Variants in KCTD19 observed in about 807,000 individuals in gnomAD.
KCTD19 encodes potassium channel tetramerization domain containing 19.
In KCTD19, 67 loss-of-function variants were observed where a neutral mutation model predicts 103.5. The ratio of observed to expected loss-of-function variants is 0.65; its 90% confidence interval spans 0.53 to 0.79. The LOEUF is 0.79. Ranked by LOEUF, KCTD19 falls within the 30% of genes least tolerant of loss-of-function variation. KCTD19 has a pLI of 0.00. For synonymous variants in KCTD19, 439 were observed against 452.2 expected, an observed-to-expected ratio of 0.97 and a Z score of 0.37; for missense variants, 980 against 1,136.1, an observed-to-expected ratio of 0.86 and a Z score of 1.98.
intron 2 of KCTD19, among the ~76,000 whole-genome samples, chr16:67,305,912 T>C (rs1459114380): frequency 1.3e-5 from 2 of 152,114 alleles, no homozygotes; most frequent in African/African-American, 4.8e-5. Context: ...GCATAATCAC[T>C]TAAGGTCAAT....
At chr16:67,302,835 G>A (rs2036849032) in intron 4 of KCTD19, 7 of 364,114 alleles carry the variant, frequency 1.9e-5, no homozygotes, top group Non-Finnish European at 3.0e-5. Context: ...AAGAGAAGCC[G>A]ACTGGCAACC....
At chr16:67,295,767 C>T in intron 8 of KCTD19, 1 of 316,398 alleles carries the variant, frequency 3.2e-6, no homozygotes, top group Middle Eastern at 1.0e-3. Context: ...TTTTTTGAGG[C>T]AGAGTCACAC....
At chr16:67,305,978 G>T (rs1039959762) in intron 2 of KCTD19, among the ~76,000 whole-genome samples, 1 of 152,178 alleles carries the variant, frequency 6.6e-6, no homozygotes, top group African/African-American at 2.4e-5. Context: ...TGGCTGGAGG[G>T]TTTGCAAAAG....
At chr16:67,292,907 G>C (rs898636437) in intron 12 of KCTD19, among the ~76,000 whole-genome samples, 2 of 152,042 alleles carry the variant, frequency 1.3e-5, no homozygotes, top group Admixed American at 6.6e-5. Flanking sequence ...CCACAGGCTA[G>C]AAACCTGGCT....
In KCTD19 at chr16:67,323,716, G is replaced by C. The variant is rs2037099785; in HGVS notation, c.4-2831C>G. The stretch of plus-strand genomic sequence containing the variant: ...GGTTGCCTAGGGCTGGAGAGGCTAT[G>C]GGGAGATGGGGTGTGACTACTAATG... On this transcript the variant is annotated intron_variant, in intron 1 of 15. Transcript: ENST00000304372. This position sits in a 1 kb window ranked among gnomAD's most constrained non-coding sequence, Gnocchi z 4.1. 6.6e-6 allele frequency among the ~76,000 whole-genome samples: 1 copy of C among 152,128 alleles called. No homozygotes were observed. The highest frequency in any genetic ancestry group is 1.5e-5 in the Non-Finnish European group (1 of 68,014).
chr16:67,289,558 C>G lies in KCTD19; in HGVS notation c.*11G>C, dbSNP rs758048004. On this transcript the variant is annotated 3_prime_UTR_variant, in exon 16 of 16. Transcript: ENST00000304372. ...GCGGGTGGGGCATGAGGGGCTGCAT[C>G]TCTGGGCACCCTAGTCCTCTTGTAG... The G allele has an allele frequency of 6.4e-7, 1 of 1,573,030 alleles. No homozygotes were observed. Among genetic ancestry groups the G allele is most frequent in the Non-Finnish European group, 8.7e-7 (1 of 1,143,258 alleles).
At chr16:67,326,560 C>G (rs889004291) in intron 1 of KCTD19, 145 bp downstream of exon 1, 8 of 1,106,012 alleles carry the variant, frequency 7.2e-6, no homozygotes, top group South Asian at 4.2e-5. Context: ...AGCCAGCCCC[C>G]CAAATCCTTC....
intron 3 of KCTD19, among the ~76,000 whole-genome samples, chr16:67,304,015 A>G (rs2036864752): frequency 6.6e-6 from 1 of 152,218 alleles, no homozygotes; most frequent in South Asian, 2.1e-4. Flanking sequence ...GGAAGCTAAA[A>G]TCCATCAATA....
intron 11 of KCTD19, 150 bp from the exon 12 acceptor site, chr16:67,294,321 C>T: frequency 2.2e-6 from 2 of 918,738 alleles, no homozygotes; most frequent in Non-Finnish European, 3.3e-6. Context: ...GAGCTTTGCT[C>T]AGGCTGAGTG....
chr16:67,303,108 C>CGGGGGGGGGGGGGGGGGGGGGGGGG lies in KCTD19; in HGVS notation c.643+37_643+38insCCCCCCCCCCCCCCCCCCCCCCCCC. ...ATGGGGAGGGGTGAATGGGCCCTAT[C>CGGGGGGGGGGGGGGGGGGGGGGGGG]AGCCCGCCCCCCACCCCACCCCGGA... On this transcript the variant is annotated intron_variant, in intron 4 of 15. Transcript: ENST00000304372. This position sits in a 1 kb window ranked among gnomAD's most constrained non-coding sequence, Gnocchi z 4.3. The CGGGGGGGGGGGGGGGGGGGGGGGGG allele has an allele frequency of 5.0e-6, 4 of 798,078 alleles. No individual in the cohort carries two copies. Among genetic ancestry groups the CGGGGGGGGGGGGGGGGGGGGGGGGG allele is most frequent in the East Asian group, 2.8e-5 (1 of 36,056 alleles). 49.4% of individuals were successfully genotyped at this position (798,078 alleles called of 1,614,324 possible).
intron 12 of KCTD19, 39 bp from the exon 13 acceptor site, chr16:67,291,876 A>G: frequency 6.8e-7 from 1 of 1,472,932 alleles, no homozygotes; most frequent in Non-Finnish European, 9.1e-7. Flanking sequence ...TCCTTTTAAA[A>G]AAAAATTTTT....
intron 2 of KCTD19, among the ~76,000 whole-genome samples, chr16:67,314,391 T>C (rs995150513): frequency 2.0e-5 from 3 of 152,086 alleles, no homozygotes; most frequent in South Asian, 4.1e-4. Context: ...TCTACTTCAA[T>C]ACCCCTAAAA....
At chr16:67,306,790 G>A (rs1352911464) in intron 2 of KCTD19, among the ~76,000 whole-genome samples, 1 of 152,146 alleles carries the variant, frequency 6.6e-6, no homozygotes. Context: ...AAGAACAAGG[G>A]CTTTGAACTC....
chr16:67,291,175 ACT>A, intron 14 of KCTD19, 132 bp downstream of exon 14: 1 of 1,225,692 alleles, frequency 8.2e-7, no homozygotes, highest in Non-Finnish European at 1.1e-6. Flanking sequence ...CTGTCCCACC[ACT>A]CTTCTGGCCC....
At chr16:67,302,281 G>C (rs983363769) in intron 4 of KCTD19, 2 of 219,136 alleles carry the variant, frequency 9.1e-6, no homozygotes, top group Admixed American at 1.1e-4. Context: ...AGAGAGGAGG[G>C]GCCCGGCCGA....
chr16:67,316,900 G>A (rs2037018960), intron 2 of KCTD19, among the ~76,000 whole-genome samples: 1 of 152,156 alleles, frequency 6.6e-6, no homozygotes, highest in Non-Finnish European at 1.5e-5. Context: ...GCAGCAGCGT[G>A]AGCCTGGGTG....
chr16:67,319,778 T>TC, intron 2 of KCTD19, among the ~76,000 whole-genome samples: 1 of 151,830 alleles, frequency 6.6e-6, no homozygotes, highest in African/African-American at 2.4e-5. Flanking sequence ...TGTTTTTTTT[T>TC]TTCTCTCTCT....
chr16:67,294,487 C>T, intron 11 of KCTD19, 93 bp downstream of exon 11: 1 of 867,680 alleles, frequency 1.2e-6, no homozygotes, highest in Non-Finnish European at 1.9e-6. Flanking sequence ...CATTTTGCTG[C>T]ACCCACCAGT....
rs749796211 is a variant in KCTD19, at chr16:67,299,433, G to A, written c.916C>T (p.Arg306Cys). The change falls in exon 6 of 16, where the codon CGC becomes TGC. Residue 306 changes from arginine to cysteine, a missense_variant. Physicochemically the swap from Arg to Cys is radical, Grantham distance 180. Transcript: ENST00000304372. ...CTTCCGTCTAGCGTGCTCTCGATGC[G>A]AAGCTGGCCCAGCGCAGAGTCCGGG... Reference protein sequence around the residue: ...KYPDSALGQLRIESTLDGSRL... With the variant: ...KYPDSALGQLCIESTLDGSRL... 58 of 1,614,148 alleles carry A rather than the reference G, an allele frequency of 3.6e-5. No homozygotes were observed. Among genetic ancestry groups the A allele is most frequent in the Non-Finnish European group, 4.7e-5 (55 of 1,180,050 alleles).
Sources: allele counts gnomAD v4.1 joint callset (sites outside exome capture counted in the v4.1 genomes callset), GRCh38; gene constraint gnomAD v4.1.1; non-coding constraint Gnocchi (gnomAD v3.1); transcripts MANE v1.5; gene names NCBI Gene and HGNC (gene_info 2026-07-23, HGNC 2026-07-21).